The following SIK3 variants were observed in gnomAD, a reference collection of about 807,000 sequenced individuals.
SIK3 encodes serine/threonine-protein kinase SIK3.
In SIK3, 28 loss-of-function variants were observed where a neutral mutation model predicts 144.2. The observed-to-expected ratio is 0.19, with a 90% CI of 0.14 to 0.27. The LOEUF (loss-of-function observed/expected upper bound fraction) is 0.27, where lower values mean the gene tolerates loss of function less well. SIK3 is among the 10% of genes least tolerant of loss of function. SIK3 has a pLI of 1.00. For synonymous variants in SIK3, 686 were observed against 676.3 expected (o/e 1.01, Z -0.22); for missense variants, 1,319 against 1,776.0 (o/e 0.74, Z 4.62).
chr11:116,897,000 C>T (rs1219967565), intron 5 of SIK3, among the ~76,000 whole-genome samples, 193 bp downstream of exon 5: 2 of 148,702 alleles, frequency 1.3e-5, no homozygotes, highest in African/African-American at 5.0e-5. Context: ...GCTCTCCAGC[C>T]TGGGCGACAG....
At chr11:117,075,580 T>C (rs537919797) in intron 1 of SIK3, among the ~76,000 whole-genome samples, 91 of 150,642 alleles carry the variant, frequency 6.0e-4, no homozygotes, top group African/African-American at 1.8e-3. Flanking sequence ...TCAGCTCTGC[T>C]GCCCAGGCTG....
In SIK3 at chr11:116,904,173, A is replaced by C. The variant is rs11605058; in HGVS notation, c.617-6856T>G. Among the ~76,000 whole-genome samples the C allele has an allele frequency of 9.4e-3, 1,429 of 152,338 alleles. 19 individuals are homozygous for C. The highest frequency in any genetic ancestry group is 0.03 in the African/African-American group (1,245 of 41,576). On this transcript the variant is annotated intron_variant, in intron 4 of 24. Transcript: ENST00000445177. The stretch of plus-strand genomic sequence containing the variant: ...AGGCATAAAACATAGTTCTAGGGAA[A>C]GGCTCAAAGGAAGCAGAACTTGGTT...
intron 1 of SIK3, among the ~76,000 whole-genome samples, chr11:116,993,325 G>GT (rs1950555764): frequency 6.6e-6 from 1 of 152,118 alleles, no homozygotes; most frequent in East Asian, 1.9e-4. Context: ...TTTTCAGACT[G>GT]TTTTTTCCTA....
intron 1 of SIK3, among the ~76,000 whole-genome samples, chr11:117,071,001 T>C (rs984507364): frequency 6.6e-6 from 1 of 151,898 alleles, no homozygotes; most frequent in Non-Finnish European, 1.5e-5. Flanking sequence ...AGTGCTGAGA[T>C]TACAAGCGTG....
intron 1 of SIK3, among the ~76,000 whole-genome samples, chr11:117,095,125 G>A (rs1234525181): frequency 6.7e-6 from 1 of 149,000 alleles, no homozygotes; most frequent in Non-Finnish European, 1.5e-5. Flanking sequence ...TGGATGGAGT[G>A]CAGTATCCTA....
In SIK3 at chr11:116,920,344, T is replaced by A. The variant is rs575582952; in HGVS notation, c.616+6875A>T. 5.3e-5 allele frequency among the ~76,000 whole-genome samples: 8 copies of A among 152,274 alleles called. No homozygotes were observed. In the South Asian group the frequency reaches 1.7e-3, roughly 32 times the overall value. On this transcript the variant is annotated intron_variant, in intron 4 of 24. Coordinates refer to ENST00000445177, the MANE Select transcript of SIK3 (RefSeq NM_001366686.3). Reference sequence around the variant, plus strand: ...CATTATCTCCAGCCATGCTGGACTTTCTTCTACCCCTTTCTTCTATGTTGA... The same window carrying A: ...CATTATCTCCAGCCATGCTGGACTTACTTCTACCCCTTTCTTCTATGTTGA...
intron 1 of SIK3, among the ~76,000 whole-genome samples, chr11:117,017,776 T>C (rs943602090): frequency 2.0e-5 from 3 of 152,212 alleles, no homozygotes; most frequent in Non-Finnish European, 4.4e-5. Context: ...AATTAATCTC[T>C]ATAAATCTCA....
chr11:116,881,596 A>G (rs574945626), intron 6 of SIK3, among the ~76,000 whole-genome samples: 1 of 152,288 alleles, frequency 6.6e-6, no homozygotes, highest in East Asian at 1.9e-4. Flanking sequence ...GTTACAACAA[A>G]CCAAAACAAT....
In SIK3 at chr11:116,960,454, A is replaced by G. The variant is rs577715744; in HGVS notation, c.274-3390T>C. 1.4e-4 allele frequency among the ~76,000 whole-genome samples: 21 copies of G among 152,292 alleles called. No homozygotes were observed. In the South Asian group the frequency reaches 2.9e-3, roughly 21 times the overall value. On this transcript the variant is annotated intron_variant, in intron 1 of 24. Coordinates refer to ENST00000445177, the MANE Select transcript of SIK3 (RefSeq NM_001366686.3). ...GACAGAAGGATTGCATGAGCCTAGC[A>G]AGGGTGAAGTGAGCCGTGATCACGC...
intron 21 of SIK3, chr11:116,857,339 A>AAC (rs1368706806): frequency 5.7e-6 from 1 of 176,252 alleles, no homozygotes; most frequent in Non-Finnish European, 1.2e-5. Context: ...TTGTTCCTCC[A>AAC]ACACCTTCTT....
chr11:117,034,826 T>G (rs1288668737), intron 1 of SIK3, among the ~76,000 whole-genome samples: 1 of 152,216 alleles, frequency 6.6e-6, no homozygotes, highest in Non-Finnish European at 1.5e-5. Flanking sequence ...CTATTATAAA[T>G]AGTCAATTAA....
At chr11:117,044,526 C>T (rs76982250) in intron 1 of SIK3, among the ~76,000 whole-genome samples, 3,740 of 151,966 alleles carry the variant, frequency 0.025, 85 homozygotes, top group South Asian at 0.11. Flanking sequence ...TAAAGCCTGC[C>T]AGGAAACAGT....
chr11:117,005,189 T>A (rs953921395), intron 1 of SIK3, among the ~76,000 whole-genome samples: 10 of 151,972 alleles, frequency 6.6e-5, no homozygotes, highest in African/African-American at 2.2e-4. Context: ...ACACCTGTAA[T>A]CCCAGCACTT....
intron 6 of SIK3, among the ~76,000 whole-genome samples, chr11:116,883,446 A>G (rs1944650213): frequency 6.6e-6 from 1 of 152,230 alleles, no homozygotes. Context: ...TTTTCTGCCA[A>G]GATACCTTCT....
chr11:117,067,726 C>A (rs1056461377), intron 1 of SIK3, among the ~76,000 whole-genome samples: 1 of 152,154 alleles, frequency 6.6e-6, no homozygotes, highest in Non-Finnish European at 1.5e-5. Context: ...GTGGCTCATG[C>A]CTGTAATCCC....
chr11:117,083,815 A>T (rs1312979236), intron 1 of SIK3, among the ~76,000 whole-genome samples: 3 of 152,236 alleles, frequency 2.0e-5, no homozygotes, highest in South Asian at 4.1e-4. Context: ...GAAACAGAAA[A>T]CAACTTACTA....
intron 1 of SIK3, among the ~76,000 whole-genome samples, chr11:117,058,713 G>A (rs1349929038): frequency 6.6e-6 from 1 of 152,154 alleles, no homozygotes; most frequent in Non-Finnish European, 1.5e-5. Flanking sequence ...TCTGGTGAAG[G>A]AGAAATGAAA....
At position 117,098,279 on chromosome 11, in the gene SIK3, C is replaced by A; in HGVS notation, c.137G>T (p.Gly46Val). The change falls in exon 1 of 25, where the codon GGC becomes GTC. Residue 46 changes from glycine (G) to valine (V), a missense_variant. Physicochemically the swap from Gly to Val is moderately radical, Grantham distance 109. Coordinates refer to ENST00000445177, the MANE Select transcript of SIK3 (RefSeq NM_001366686.3). ...GGCCGGGGCTGGGGGACGCGGCTGG[C>A]CGGCCGCAGGGGACACGGCAGCGGG... ...AAPAAVSPAA[G>V]QPRPPAPASR... is the part of the protein sequence containing the mutation. 1 of 1,346,678 alleles carries A rather than the reference C, an allele frequency of 7.4e-7. No homozygotes were observed. The highest frequency in any genetic ancestry group is 9.6e-7 in the Non-Finnish European group (1 of 1,039,128). The allele number at this position is 1,346,678 out of a possible 1,614,324, so 83.4% of individuals were successfully genotyped here. A position where few individuals can be genotyped will look rare whatever the true frequency, so the allele number is the denominator to read the frequency against.
At chr11:117,013,967 C>T (rs372146058) in intron 1 of SIK3, among the ~76,000 whole-genome samples, 474 of 7,058 alleles carry the variant, frequency 0.067, 2 homozygotes, top group Non-Finnish European at 0.086. Flanking sequence ...TTCTTTTTTT[C>T]TTTTCTTTTT....
Sources: gnomAD v4.1 joint callset for allele counts (sites outside exome capture counted in the v4.1 genomes callset) on GRCh38, gnomAD v4.1.1 for gene constraint, MANE v1.5 for transcripts, NCBI Gene and HGNC (gene_info 2026-07-23, HGNC 2026-07-21) for gene names.